Variants in CNTNAP2 observed in about 807,000 individuals in gnomAD.
CNTNAP2 encodes contactin-associated protein-like 2.
A neutral mutation model predicts 155.2 loss-of-function variants in CNTNAP2; 98 were observed. The ratio of observed to expected loss-of-function variants is 0.63; its 90% CI spans 0.54 to 0.75. The LOEUF (loss-of-function observed/expected upper bound fraction) is 0.75. CNTNAP2 is among the 30% of genes least tolerant of loss of function. CNTNAP2 has a pLI of 0.00. For synonymous variants in CNTNAP2, 651 were observed against 631.2 expected (o/e 1.03, Z -0.47); for missense variants, 1,727 against 1,688.1 (o/e 1.02, Z -0.40).
intron 8 of CNTNAP2, among the ~76,000 whole-genome samples, chr7:147,295,277 G>T (rs1037356084): frequency 4.6e-5 from 7 of 151,980 alleles, no homozygotes; most frequent in African/African-American, 1.7e-4. Flanking sequence ...ATGCGTGTGT[G>T]TGTGTGTGCA....
intron 1 of CNTNAP2, among the ~76,000 whole-genome samples, chr7:146,174,821 CG>C (rs1480138256): frequency 1.3e-4 from 20 of 152,030 alleles, no homozygotes; most frequent in African/African-American, 4.6e-4. Context: ...CCAGCCCAGG[CG>C]GCAGAGCGAG....
chr7:147,798,445 A>G, intron 13 of CNTNAP2, among the ~76,000 whole-genome samples: 1 of 152,222 alleles, frequency 6.6e-6, no homozygotes, highest in Non-Finnish European at 1.5e-5. Flanking sequence ...AGTTTACTCC[A>G]GGATGTCAGG....
At chr7:147,795,845 C>T (rs1797885113) in intron 13 of CNTNAP2, among the ~76,000 whole-genome samples, 1 of 152,052 alleles carries the variant, frequency 6.6e-6, no homozygotes, top group African/African-American at 2.4e-5. Context: ...TTTAATTTCC[C>T]TTTTAGCACT....
At chr7:146,570,341 T>C (rs1052895204) in intron 1 of CNTNAP2, among the ~76,000 whole-genome samples, 6 of 152,164 alleles carry the variant, frequency 3.9e-5, no homozygotes, top group Non-Finnish European at 2.9e-5. Context: ...GAACGGTCTG[T>C]TTTGATATTT....
intron 1 of CNTNAP2, among the ~76,000 whole-genome samples, chr7:146,497,293 CT>C (rs1186193997): frequency 6.6e-6 from 1 of 152,118 alleles, no homozygotes; most frequent in African/African-American, 2.4e-5. Context: ...AAAACATTTA[CT>C]AGTTTTCTGA....
At chr7:147,729,428 GCACACA>G (rs3053507) in intron 13 of CNTNAP2, among the ~76,000 whole-genome samples, 1 of 149,318 alleles carries the variant, frequency 6.7e-6, no homozygotes, top group African/African-American at 2.4e-5. Flanking sequence ...ACACACACAC[GCACACA>G]CACACACACA....
intron 1 of CNTNAP2, among the ~76,000 whole-genome samples, chr7:146,226,857 A>C (rs755029631): frequency 5.3e-5 from 8 of 152,304 alleles, no homozygotes; most frequent in African/African-American, 1.9e-4. Flanking sequence ...TGGTGAAATC[A>C]TGAATTTTTT....
chr7:148,033,345 T>C (rs1168105174), intron 15 of CNTNAP2, among the ~76,000 whole-genome samples: 1 of 135,706 alleles, frequency 7.4e-6, no homozygotes, highest in East Asian at 2.7e-4. Flanking sequence ...AGATCCTTTT[T>C]TTTCCTTTAT....
intron 10 of CNTNAP2, among the ~76,000 whole-genome samples, chr7:147,424,644 T>C (rs889824067): frequency 6.6e-6 from 1 of 152,172 alleles, no homozygotes; most frequent in African/African-American, 2.4e-5. Flanking sequence ...TGTTGACTTA[T>C]CTCTCTAGCT....
intron 15 of CNTNAP2, among the ~76,000 whole-genome samples, chr7:148,021,595 T>C (rs372753798): frequency 3.0e-4 from 45 of 152,174 alleles, no homozygotes; most frequent in Non-Finnish European, 5.6e-4. Flanking sequence ...TCAACTATCA[T>C]TGGGCATCTC....
chr7:146,226,553 G>A (rs894035065), intron 1 of CNTNAP2, among the ~76,000 whole-genome samples: 3 of 152,092 alleles, frequency 2.0e-5, no homozygotes, highest in African/African-American at 7.2e-5. Context: ...CAGGTACTCT[G>A]GAGGCTGAGG....
chr7:147,552,573 C>A lies in CNTNAP2; in HGVS notation c.1778-9565C>A, dbSNP rs1169003178. ...CTTTACTCCATTTTACTTTCCTCAACACACACACACACACACACACACACA... is the reference window on the plus strand; with the variant it reads ...CTTTACTCCATTTTACTTTCCTCAAAACACACACACACACACACACACACA... On this transcript the variant is annotated intron_variant, in intron 11 of 23. Coordinates refer to ENST00000361727, the MANE Select transcript of CNTNAP2 (RefSeq NM_014141.6). 5.3e-3 allele frequency among the ~76,000 whole-genome samples: 359 copies of A among 67,286 alleles called. 2 individuals carry two copies. Among genetic ancestry groups the A allele is most frequent in the African/African-American group, 0.015 (346 of 22,522 alleles). The allele number at this position is 67,286 out of a possible 152,430, so 44.1% of individuals were successfully genotyped here.
At chr7:147,097,622 T>G (rs1403196080) in intron 4 of CNTNAP2, 1 of 152,110 alleles carries the variant, frequency 6.6e-6, no homozygotes, top group Non-Finnish European at 1.5e-5. Context: ...TTCAGTTATC[T>G]CCCACCAGAT....
At chr7:146,292,439 A>T (rs1301625558) in intron 1 of CNTNAP2, among the ~76,000 whole-genome samples, 1 of 152,228 alleles carries the variant, frequency 6.6e-6, no homozygotes, top group Non-Finnish European at 1.5e-5. Context: ...TTAGAATAAA[A>T]ATTTTAAAAA....
At chr7:146,170,511 GTT>G (rs36118318) in intron 1 of CNTNAP2, among the ~76,000 whole-genome samples, 1 of 149,312 alleles carries the variant, frequency 6.7e-6, no homozygotes, top group Non-Finnish European at 1.5e-5. Context: ...AATATCACTA[GTT>G]TTTTTTTTAC....
chr7:147,736,917 G>A (rs541018756), intron 13 of CNTNAP2, among the ~76,000 whole-genome samples: 85 of 152,194 alleles, frequency 5.6e-4, no homozygotes, highest in African/African-American at 1.4e-3. Context: ...CTAGTTAGCC[G>A]TTTGTCAAAT....
chr7:147,572,527 T>A (rs569242111), intron 12 of CNTNAP2, among the ~76,000 whole-genome samples: 1 of 152,254 alleles, frequency 6.6e-6, no homozygotes, highest in East Asian at 1.9e-4. Context: ...TTATAGACAC[T>A]GCTTGATTTT....
intron 8 of CNTNAP2, among the ~76,000 whole-genome samples, chr7:147,207,874 C>T (rs950267858): frequency 1.3e-5 from 2 of 152,104 alleles, no homozygotes; most frequent in Non-Finnish European, 2.9e-5. Flanking sequence ...AATGTTTTCT[C>T]AATGGCCATA....
intron 4 of CNTNAP2, among the ~76,000 whole-genome samples, chr7:147,056,046 T>C (rs1478898868): frequency 1.3e-5 from 2 of 152,230 alleles, no homozygotes; most frequent in African/African-American, 2.4e-5. Context: ...TTGCTTTGTG[T>C]AAATTTGATT....
Sources: gnomAD v4.1 joint callset for allele counts (sites outside exome capture counted in the v4.1 genomes callset) on GRCh38, gnomAD v4.1.1 for gene constraint, MANE v1.5 for transcripts, NCBI Gene and HGNC (gene_info 2026-07-23, HGNC 2026-07-21) for gene names.